The following LTBP1 variants were observed in gnomAD, a reference collection of about 807,000 sequenced individuals.
LTBP1 encodes the protein latent transforming growth factor beta binding protein 1.
In LTBP1, 129 loss-of-function variants were observed where a neutral mutation model predicts 207.6. The ratio of observed to expected loss-of-function variants is 0.62; its 90% confidence interval spans 0.54 to 0.72. LTBP1 has a LOEUF of 0.72. LTBP1 is among the 30% of genes least tolerant of loss of function. LTBP1 has a pLI of 0.00. For missense variants in LTBP1, 2,281 were observed against 2,217.2 expected, an observed-to-expected ratio of 1.03 and a Z score of -0.58; for synonymous variants, 963 against 833.7, an observed-to-expected ratio of 1.16 and a Z score of -2.67.
At chr2:33,376,248 C>G (rs2095138518) in intron 31 of LTBP1, among the ~76,000 whole-genome samples, 1 of 152,166 alleles carries the variant, frequency 6.6e-6, no homozygotes, top group African/African-American at 2.4e-5. Context: ...AATCCAAAAT[C>G]TAAATTCAGT....
intron 32 of LTBP1, among the ~76,000 whole-genome samples, 169 bp downstream of exon 32, chr2:33,389,475 C>T (rs547601307): frequency 1.2e-4 from 19 of 152,202 alleles, no homozygotes; most frequent in Admixed American, 9.8e-4. Context: ...TTCACAAGGG[C>T]AGTCCTTCTG....
intron 2 of LTBP1, among the ~76,000 whole-genome samples, chr2:32,968,267 T>C (rs1192581463): frequency 6.6e-6 from 1 of 152,192 alleles, no homozygotes. Flanking sequence ...TGCCTGATTA[T>C]CTATCGGTTT....
chr2:33,112,807 T>C (rs2150288601), intron 4 of LTBP1, among the ~76,000 whole-genome samples: 1 of 152,196 alleles, frequency 6.6e-6, no homozygotes, highest in Admixed American at 6.5e-5. Flanking sequence ...TGTTCTGTGG[T>C]AGGTAAAAGA....
At chr2:33,205,594 A>C (rs1057346898) in intron 7 of LTBP1, among the ~76,000 whole-genome samples, 5 of 152,112 alleles carry the variant, frequency 3.3e-5, no homozygotes, top group Non-Finnish European at 7.4e-5. Context: ...TGGCTTCCTT[A>C]ATTCCTACAG....
intron 20 of LTBP1, among the ~76,000 whole-genome samples, chr2:33,296,157 G>C (rs1024078509): frequency 6.6e-6 from 1 of 152,136 alleles, no homozygotes; most frequent in Non-Finnish European, 1.5e-5. Context: ...AGGAGTCATG[G>C]TTAATCTTTG....
chr2:33,300,341 TAAG>T, intron 20 of LTBP1, 107 bp from the exon 21 acceptor site: 3 of 1,068,254 alleles, frequency 2.8e-6, no homozygotes, highest in Non-Finnish European at 4.2e-6. Context: ...GTGCCAGACA[TAAG>T]AAGTACTATT....
At chr2:32,988,819 GATA>G (rs1683982467) in intron 2 of LTBP1, among the ~76,000 whole-genome samples, 1 of 152,146 alleles carries the variant, frequency 6.6e-6, no homozygotes, top group Admixed American at 6.5e-5. Flanking sequence ...TGCCTTTCTT[GATA>G]GGAATGTAAT....
At chr2:33,169,135 C>T (rs1008136286) in intron 5 of LTBP1, among the ~76,000 whole-genome samples, 11 of 152,126 alleles carry the variant, frequency 7.2e-5, no homozygotes, top group African/African-American at 2.7e-4. Context: ...TTGGCATTTG[C>T]TGGAATTTTA....
intron 11 of LTBP1, among the ~76,000 whole-genome samples, chr2:33,254,799 C>T (rs2092789204): frequency 2.0e-5 from 2 of 101,800 alleles, no homozygotes; most frequent in Non-Finnish European, 1.8e-5. Context: ...TTCCTGTGTC[C>T]ATGTGTTCTC....
At chr2:33,202,326 T>C (rs1360770370) in intron 7 of LTBP1, among the ~76,000 whole-genome samples, 1 of 152,032 alleles carries the variant, frequency 6.6e-6, no homozygotes, top group African/African-American at 2.4e-5. Context: ...CAACTCCACA[T>C]GGGAGAAAAA....
At chr2:33,182,687 G>GAGATATGTATATATATATAT (rs1469125010) in intron 5 of LTBP1, among the ~76,000 whole-genome samples, 1 of 67,008 alleles carries the variant, frequency 1.5e-5, no homozygotes, top group Non-Finnish European at 3.2e-5. Flanking sequence ...AAAAGATGGT[G>GAGATATGTATATATATATAT]ATATATATAT....
At chr2:32,996,330 A>C (rs1270957916) in intron 2 of LTBP1, among the ~76,000 whole-genome samples, 1 of 151,994 alleles carries the variant, frequency 6.6e-6, no homozygotes, top group African/African-American at 2.4e-5. Flanking sequence ...GACCTCTTTT[A>C]TGAGGGCACT....
At chr2:33,237,846 G>C (rs2092122202) in intron 9 of LTBP1, among the ~76,000 whole-genome samples, 1 of 152,168 alleles carries the variant, frequency 6.6e-6, no homozygotes, top group Admixed American at 6.5e-5. Context: ...AGAAGGCCCT[G>C]AGGAAAGGGG....
At chr2:33,026,196 G>T (rs1462972227) in intron 3 of LTBP1, among the ~76,000 whole-genome samples, 1 of 152,082 alleles carries the variant, frequency 6.6e-6, no homozygotes, top group African/African-American at 2.4e-5. Flanking sequence ...GTAGTCAAAC[G>T]GATGATTTCC....
intron 20 of LTBP1, among the ~76,000 whole-genome samples, chr2:33,297,727 C>T (rs1168575080): frequency 6.6e-6 from 1 of 152,022 alleles, no homozygotes; most frequent in Non-Finnish European, 1.5e-5. Flanking sequence ...CCCGGCCCTG[C>T]CTTTTCAAAA....
intron 4 of LTBP1, among the ~76,000 whole-genome samples, chr2:33,128,937 A>T (rs2081600710): frequency 6.6e-6 from 1 of 152,178 alleles, no homozygotes; most frequent in Admixed American, 6.5e-5. Flanking sequence ...GGTTCTCTTA[A>T]CATTCAGAAT....
chr2:33,363,635 GT>G (rs1187021255), intron 29 of LTBP1, 117 bp downstream of exon 29: 1 of 1,182,426 alleles, frequency 8.5e-7, no homozygotes, highest in Non-Finnish European at 1.1e-6. Flanking sequence ...GAAAAGATGT[GT>G]AAACGTTTTA....
In LTBP1 at chr2:33,347,518, C is replaced by T. The variant is rs556197324; in HGVS notation, c.4000+8C>T. 1.9e-6 allele frequency: 3 copies of T among 1,613,986 alleles called. No homozygotes were observed. The highest frequency in any genetic ancestry group is 1.7e-5 in the Admixed American group (1 of 60,018). Reference sequence around the variant, plus strand: ...GCTCCCGGACCTCCACAGGTAAGTCCCAGTGACACTGTGCAAGGGAATGAC... The same window carrying T: ...GCTCCCGGACCTCCACAGGTAAGTCTCAGTGACACTGTGCAAGGGAATGAC... On this transcript the variant is annotated splice_region_variant and intron_variant, in intron 26 of 33. Transcript: ENST00000404816.
intron 3 of LTBP1, among the ~76,000 whole-genome samples, chr2:33,047,953 G>C (rs1298202232): frequency 6.6e-6 from 1 of 150,686 alleles, no homozygotes; most frequent in Admixed American, 6.6e-5. Context: ...TTTTTTTTTT[G>C]TTTTCTATTT....
Sources: gnomAD v4.1 joint callset for allele counts (sites outside exome capture counted in the v4.1 genomes callset) on GRCh38, gnomAD v4.1.1 for gene constraint, MANE v1.5 for transcripts, NCBI Gene and HGNC (gene_info 2026-07-23, HGNC 2026-07-21) for gene names.